Variants in SPHKAP observed in about 807,000 individuals in gnomAD.
SPHKAP encodes A-kinase anchor protein SPHKAP.
SPHKAP carries 67 observed loss-of-function variants against 137.5 expected under a neutral mutation model. That is an observed-to-expected ratio of 0.49 (90% confidence interval 0.40 to 0.60). SPHKAP has a LOEUF of 0.60. SPHKAP is among the 20% of genes least tolerant of loss of function. The pLI is 0.00. For missense variants in SPHKAP, 2,097 were observed against 2,069.3 expected (o/e 1.01, Z -0.26); for synonymous variants, 813 against 785.3 (o/e 1.04, Z -0.59).
intron 3 of SPHKAP, among the ~76,000 whole-genome samples, chr2:228,078,397 T>G (rs941098530): frequency 1.1e-3 from 174 of 151,934 alleles, no homozygotes; most frequent in African/African-American, 3.9e-3. Context: ...TTTTTTTTTT[T>G]TTGTAAGGGA....
chr2:227,984,437 G>A (rs1182690281), intron 11 of SPHKAP, among the ~76,000 whole-genome samples: 1 of 151,946 alleles, frequency 6.6e-6, no homozygotes, highest in Non-Finnish European at 1.5e-5. Context: ...AACCCTTTAG[G>A]TTAAGGCTTT....
chr2:228,075,982 G>A (rs1187492988), intron 3 of SPHKAP, among the ~76,000 whole-genome samples: 2 of 152,176 alleles, frequency 1.3e-5, no homozygotes, highest in Non-Finnish European at 2.9e-5. Flanking sequence ...GTTGTGAGAG[G>A]AACACAGTGG....
intron 9 of SPHKAP, among the ~76,000 whole-genome samples, chr2:227,992,039 C>A (rs550666869): frequency 2.0e-5 from 3 of 152,192 alleles, no homozygotes; most frequent in African/African-American, 7.2e-5. Context: ...TATTACAGAA[C>A]CTTGCATGTA....
intron 2 of SPHKAP, among the ~76,000 whole-genome samples, chr2:228,129,241 C>T (rs1476014731): frequency 6.6e-6 from 1 of 152,118 alleles, no homozygotes; most frequent in African/African-American, 2.4e-5. Flanking sequence ...ACTAAGTGAG[C>T]ACGTTCTGTT....
chr2:228,164,536 A>G (rs971874094), intron 1 of SPHKAP, among the ~76,000 whole-genome samples: 4 of 152,224 alleles, frequency 2.6e-5, no homozygotes, highest in African/African-American at 9.6e-5. Flanking sequence ...TTTATGAAGC[A>G]TTTACAATAT....
intron 3 of SPHKAP, among the ~76,000 whole-genome samples, chr2:228,030,366 C>T (rs1046952947): frequency 6.6e-6 from 1 of 151,596 alleles, no homozygotes; most frequent in Non-Finnish European, 1.5e-5. Flanking sequence ...ATACAAAAAA[C>T]AGCCGGGTGT....
chr2:228,037,687 G>A (rs1441258786), intron 3 of SPHKAP, among the ~76,000 whole-genome samples: 1 of 152,144 alleles, frequency 6.6e-6, no homozygotes, highest in Non-Finnish European at 1.5e-5. Context: ...GAGATAAGAG[G>A]TAGTAGGAGT....
intron 11 of SPHKAP, among the ~76,000 whole-genome samples, chr2:227,984,772 T>C (rs1464343339): frequency 6.6e-6 from 1 of 152,180 alleles, no homozygotes; most frequent in African/African-American, 2.4e-5. Context: ...TTCTGAGGTC[T>C]CACTGGGAGA....
chr2:228,175,825 G>GA (rs889176171), intron 1 of SPHKAP, among the ~76,000 whole-genome samples: 17 of 151,506 alleles, frequency 1.1e-4, no homozygotes, highest in East Asian at 1.9e-4. Flanking sequence ...TAAAAAGATA[G>GA]AAAAAAAATA....
At chr2:228,174,665 C>A (rs770662419) in intron 1 of SPHKAP, among the ~76,000 whole-genome samples, 6 of 152,064 alleles carry the variant, frequency 3.9e-5, no homozygotes, top group Non-Finnish European at 8.8e-5. Flanking sequence ...ATTACCAGCC[C>A]TGTTGAAAAG....
In SPHKAP at chr2:228,080,938, G is replaced by A. The variant is rs564091349; in HGVS notation, c.246+27894C>T. Among the ~76,000 whole-genome samples, 3 of 151,938 alleles carry A rather than the reference G, an allele frequency of 2.0e-5. 1 individual carries two copies. The highest frequency in any genetic ancestry group is 2.0e-4 in the Admixed American group (3 of 15,258). ...AGCTATTATGGAAAACAGTATGGAG[G>A]TTCCTCAAAAAATTAAAAATAGAAT... On this transcript the variant is annotated intron_variant, in intron 3 of 11. Coordinates refer to ENST00000392056, the MANE Select transcript of SPHKAP (RefSeq NM_001142644.2).
intron 1 of SPHKAP, among the ~76,000 whole-genome samples, chr2:228,135,072 C>T (rs1699392341): frequency 2.6e-5 from 4 of 152,038 alleles, no homozygotes; most frequent in South Asian, 4.2e-4. Context: ...GTCGGGAGTT[C>T]GAGACCAGCC....
intron 1 of SPHKAP, among the ~76,000 whole-genome samples, chr2:228,161,880 C>T (rs982898371): frequency 1.1e-4 from 16 of 152,098 alleles, no homozygotes; most frequent in Admixed American, 6.5e-4. Context: ...AGTTGAAATG[C>T]CTTGTTTATA....
At chr2:228,118,603 T>C (rs1698797726) in intron 2 of SPHKAP, among the ~76,000 whole-genome samples, 1 of 152,180 alleles carries the variant, frequency 6.6e-6, no homozygotes, top group African/African-American at 2.4e-5. Flanking sequence ...CGGTTTGTTT[T>C]ACTTTCCATT....
chr2:228,030,163 G>A (rs1304739187), intron 3 of SPHKAP, among the ~76,000 whole-genome samples: 2 of 152,136 alleles, frequency 1.3e-5, no homozygotes, highest in African/African-American at 2.4e-5. Context: ...TCATAGTAGG[G>A]GATGATCCAG....
intron 2 of SPHKAP, among the ~76,000 whole-genome samples, chr2:228,123,564 A>G (rs1355689250): frequency 1.3e-5 from 2 of 152,198 alleles, no homozygotes; most frequent in Admixed American, 1.3e-4. Flanking sequence ...TCTATTTTCC[A>G]TCATGTGAAT....
intron 3 of SPHKAP, among the ~76,000 whole-genome samples, chr2:228,055,369 T>A (rs1300979975): frequency 6.6e-6 from 1 of 152,064 alleles, no homozygotes; most frequent in Admixed American, 6.6e-5. Context: ...AATGATAGTA[T>A]GAGTATGAAA....
intron 3 of SPHKAP, among the ~76,000 whole-genome samples, chr2:228,082,164 T>C (rs1200530262): frequency 1.3e-5 from 2 of 152,198 alleles, no homozygotes; most frequent in African/African-American, 2.4e-5. Context: ...CAGCTGCTTT[T>C]CTAGAAAATC....
chr2:228,005,250 C>T (rs1468078980), intron 7 of SPHKAP, among the ~76,000 whole-genome samples: 1 of 152,168 alleles, frequency 6.6e-6, no homozygotes, highest in Admixed American at 6.5e-5. Context: ...GTATTGGTTG[C>T]ATATATATTT....
Sources: gnomAD v4.1 joint callset for allele counts (sites outside exome capture counted in the v4.1 genomes callset) on GRCh38, gnomAD v4.1.1 for gene constraint, MANE v1.5 for transcripts, NCBI Gene and HGNC (gene_info 2026-07-23, HGNC 2026-07-21) for gene names.